The following LYSMD3 variants were observed in gnomAD, a reference collection of about 807,000 sequenced individuals.
LYSMD3 encodes the protein lysM and putative peptidoglycan-binding domain-containing protein 3.
In LYSMD3, 13 loss-of-function variants were observed where a neutral mutation model predicts 26.1. The observed-to-expected ratio is 0.50, with a 90% CI of 0.32 to 0.79. The LOEUF is 0.79. LYSMD3 is among the 30% of genes least tolerant of loss of function. The probability of loss-of-function intolerance (pLI) is 0.03; values close to 1 mark genes in which losing one functional copy is unlikely to be tolerated. For missense variants in LYSMD3, 331 were observed against 362.5 expected (o/e 0.91, Z 0.71); for synonymous variants, 109 against 119.4 (o/e 0.91, Z 0.57).
At position 90,523,936 on chromosome 5, in the gene LYSMD3, A is replaced by G. The variant is rs1580233300; in HGVS notation, c.255+1099T>C. The stretch of plus-strand genomic sequence containing the variant: ...CTGCTAAGGCCTCAAGATGGACATA[A>G]TGACACAGAGAGAAAATGGGTCCAA... On this transcript the variant is annotated intron_variant, in intron 2 of 2. Transcript: ENST00000315948. Among the ~76,000 whole-genome samples the G allele has an allele frequency of 3.3e-5, 5 of 152,208 alleles. No individual in the cohort carries two copies. In the South Asian group the frequency reaches 1.0e-3, roughly 32 times the overall value.
chr5:90,525,437 T>C (rs1753200831), intron 1 of LYSMD3, 137 bp from the exon 2 acceptor site: 2 of 934,440 alleles, frequency 2.1e-6, no homozygotes, highest in Non-Finnish European at 3.1e-6. Context: ...TAGGTTTAAG[T>C]TCGTTTTTTT....
chr5:90,527,050 G>C (rs189462714), intron 1 of LYSMD3: 3 of 152,256 alleles, frequency 2.0e-5, no homozygotes, highest in Non-Finnish European at 2.9e-5. Context: ...AACCATGGAA[G>C]TGTTATGTCA....
rs1753005870 is a variant in LYSMD3 at position 90,518,604 on chromosome 5, G to A, written c.*215C>T. Reference sequence around the variant, plus strand: ...TAAACACACATTTAAATTAATTTCTGCTTGAAACATTCACACACCAGATTT... The same window carrying A: ...TAAACACACATTTAAATTAATTTCTACTTGAAACATTCACACACCAGATTT... On this transcript the variant is annotated 3_prime_UTR_variant, in exon 3 of 3. Coordinates refer to ENST00000315948, the MANE Select transcript of LYSMD3 (RefSeq NM_198273.2). 1 of 435,204 alleles carries A rather than the reference G, an allele frequency of 2.3e-6. No homozygotes were observed. Among genetic ancestry groups the A allele is most frequent in the Admixed American group, 3.9e-5 (1 of 25,348 alleles). The allele number at this position is 435,204 out of a possible 1,614,324, so 27.0% of individuals were successfully genotyped here.
At chr5:90,523,932 C>A (rs1446104293) in intron 2 of LYSMD3, among the ~76,000 whole-genome samples, 1 of 152,084 alleles carries the variant, frequency 6.6e-6, no homozygotes, top group Non-Finnish European at 1.5e-5. Context: ...TCAAGATGGA[C>A]ATAATGACAC....
chr5:90,518,515 A>T lies in LYSMD3; in HGVS notation c.*304T>A, dbSNP rs1458344293. 1 of 239,448 alleles carries T rather than the reference A, an allele frequency of 4.2e-6. No individual in the cohort carries two copies. The highest frequency in any genetic ancestry group is 8.6e-5 in the East Asian group (1 of 11,690). The allele number at this position is 239,448 out of a possible 1,614,324, so 14.8% of individuals were successfully genotyped here. On this transcript the variant is annotated 3_prime_UTR_variant, in exon 3 of 3. Coordinates refer to ENST00000315948, the MANE Select transcript of LYSMD3 (RefSeq NM_198273.2). ...TTAATAAACTTTTTAAAAATTACTT[A>T]AAAAAATAAAATTTAAACATGCATT...
Position 90,520,293 on chromosome 5 carries a change from T to C in LYSMD3, c.256-809A>G, listed in dbSNP as rs1395167949. 7.2e-6 allele frequency: 3 copies of C among 417,820 alleles called. No homozygotes were observed. In the East Asian group the frequency reaches 2.1e-4, roughly 30 times the overall value. The allele number at this position is 417,820 out of a possible 1,614,324, so 25.9% of individuals were successfully genotyped here. ...GTGTCTGGCAGATTACCAATTGGTA[T>C]GCCAGGCTCTCCCACCATCTATTAG... On this transcript the variant is annotated intron_variant, in intron 2 of 2. Coordinates refer to ENST00000315948, the MANE Select transcript of LYSMD3 (RefSeq NM_198273.2).
intron 1 of LYSMD3, among the ~76,000 whole-genome samples, chr5:90,526,231 T>C (rs1054372160): frequency 6.6e-6 from 1 of 152,210 alleles, no homozygotes; most frequent in African/African-American, 2.4e-5. Context: ...TGATTTTGCT[T>C]CCCTGGAAGC....
At chr5:90,524,631 C>G (rs1365358949) in intron 2 of LYSMD3, among the ~76,000 whole-genome samples, 1 of 152,160 alleles carries the variant, frequency 6.6e-6, no homozygotes, top group Admixed American at 6.5e-5. Flanking sequence ...CTCGCTCGGT[C>G]GCCCAGGCTG....
intron 2 of LYSMD3, among the ~76,000 whole-genome samples, chr5:90,523,390 G>T (rs1753140227): frequency 6.6e-6 from 1 of 151,716 alleles, no homozygotes; most frequent in African/African-American, 2.4e-5. Context: ...AAAACCTCAT[G>T]ACCATAATTT....
In LYSMD3 at chr5:90,529,560, C is replaced by T. The variant is rs1753315655; in HGVS notation, c.-124G>A. 1 of 456,338 alleles carries T rather than the reference C, an allele frequency of 2.2e-6. No homozygotes were observed. Among genetic ancestry groups the T allele is most frequent in the Admixed American group, 2.3e-5 (1 of 42,562 alleles). 28.3% of individuals were successfully genotyped at this position (456,338 alleles called of 1,614,324 possible). The stretch of plus-strand genomic sequence containing the variant: ...TCTGCTTTGGGCTGACCCCGTCCGC[C>T]TCCGCCTCTGCCGCCAACGTCTCCG... On this transcript the variant is annotated 5_prime_UTR_variant, in exon 1 of 3. Coordinates refer to ENST00000315948, the MANE Select transcript of LYSMD3 (RefSeq NM_198273.2).
chr5:90,519,442 C>A lies in LYSMD3; in HGVS notation c.298G>T (p.Asp100Tyr). 1.2e-6 allele frequency: 2 copies of A among 1,613,384 alleles called. No homozygotes were observed. Among genetic ancestry groups the A allele is most frequent in the South Asian group, 1.1e-5 (1 of 91,044 alleles). The change falls in exon 3 of 3, where the codon GAC (aspartate) becomes TAC (tyrosine). Residue 100 changes from aspartate (D) to tyrosine (Y), a missense_variant. Physicochemically the swap from Asp to Tyr is radical, Grantham distance 160. This residue lies in a region of LYSMD3 where 262 missense variants were observed against 267.3 expected (regional missense o/e 0.98). Coordinates refer to ENST00000315948, the MANE Select transcript of LYSMD3 (RefSeq NM_198273.2). ...KRVNNLISDQ[D>Y]FFALRSIKIP... ...TTGATAGACCTAAGGGCAAAAAAGT[C>A]TTGATCACTGATGAGATTGTTAACT... is the stretch of plus-strand genomic sequence containing the variant.
At chr5:90,522,605 C>T (rs1753119661) in intron 2 of LYSMD3, among the ~76,000 whole-genome samples, 1 of 152,208 alleles carries the variant, frequency 6.6e-6, no homozygotes, top group South Asian at 2.1e-4. Flanking sequence ...CAGCAGGCCC[C>T]TCTGCTATTC....
At chr5:90,525,420 A>G (rs1490541541) in intron 1 of LYSMD3, 120 bp from the exon 2 acceptor site, 1 of 1,051,618 alleles carries the variant, frequency 9.5e-7, no homozygotes, top group East Asian at 2.6e-5. Context: ...TTAGTTATTT[A>G]AACATTTAGG....
At chr5:90,527,446 T>C (rs2151922707) in intron 1 of LYSMD3, among the ~76,000 whole-genome samples, 1 of 150,874 alleles carries the variant, frequency 6.6e-6, no homozygotes, top group South Asian at 2.1e-4. Context: ...AGCACTTATG[T>C]GTGAAAAAGT....
chr5:90,526,845 G>C (rs1268682971), intron 1 of LYSMD3: 1 of 152,142 alleles, frequency 6.6e-6, no homozygotes, highest in Non-Finnish European at 1.5e-5. Flanking sequence ...TCAGAGAAAA[G>C]GTCTAGGTTA....
Position 90,529,580 on chromosome 5 carries a change from T to C in LYSMD3, c.-144A>G, listed in dbSNP as rs981489108. The C allele has an allele frequency of 2.9e-5, 13 of 455,516 alleles. No individual in the cohort carries two copies. Among genetic ancestry groups the C allele is most frequent in the Admixed American group, 1.4e-4 (6 of 42,532 alleles). The allele number at this position is 455,516 out of a possible 1,614,324, so 28.2% of individuals were successfully genotyped here. A position where few individuals can be genotyped will look rare whatever the true frequency, so the allele number is the denominator to read the frequency against. On this transcript the variant is annotated 5_prime_UTR_variant, in exon 1 of 3. Coordinates refer to ENST00000315948, the MANE Select transcript of LYSMD3 (RefSeq NM_198273.2). ...TCCGCCTCCGCCTCTGCCGCCAACG[T>C]CTCCGCCTTCCGGGCCGTACGCCGC...
intron 1 of LYSMD3, among the ~76,000 whole-genome samples, chr5:90,525,820 A>G (rs1164564520): frequency 6.6e-6 from 1 of 152,236 alleles, no homozygotes; most frequent in Admixed American, 6.5e-5. Context: ...TAAGGGAAGA[A>G]GAGGTAATCT....
intron 1 of LYSMD3, 68 bp from the exon 2 acceptor site, chr5:90,525,368 C>T (rs1052335801): frequency 7.2e-6 from 10 of 1,379,642 alleles, no homozygotes; most frequent in South Asian, 5.6e-5. Context: ...TTGCATGCAT[C>T]GTACATTCAG....
chr5:90,525,471 AT>A (rs1425948230), intron 1 of LYSMD3, among the ~76,000 whole-genome samples, 171 bp from the exon 2 acceptor site: 1 of 152,074 alleles, frequency 6.6e-6, no homozygotes, highest in East Asian at 1.9e-4. Context: ...TTGTTTTGAG[AT>A]GGAGTCTCAC....
Sources: allele counts gnomAD v4.1 joint callset (sites outside exome capture counted in the v4.1 genomes callset), GRCh38; gene constraint gnomAD v4.1.1; regional missense constraint gnomAD v4.1.1; transcripts MANE v1.5; gene names NCBI Gene and HGNC (gene_info 2026-07-23, HGNC 2026-07-21).